Variants in CDH7 observed in about 807,000 individuals in gnomAD.
The protein encoded by CDH7 is cadherin 7, also known as cadherin-7.
In CDH7, 25 loss-of-function variants were observed where a neutral mutation model predicts 71.8. That is an observed-to-expected ratio of 0.35 (90% confidence interval 0.25 to 0.49). CDH7 has a LOEUF of 0.49. CDH7 is among the 20% of genes least tolerant of loss of function. CDH7 has a pLI of 0.99. For synonymous variants in CDH7, 381 were observed against 363.8 expected (o/e 1.05, Z -0.54); for missense variants, 862 against 974.6 (o/e 0.88, Z 1.54).
intron 2 of CDH7, among the ~76,000 whole-genome samples, chr18:65,790,868 C>T (rs1910689545): frequency 6.6e-6 from 1 of 152,074 alleles, no homozygotes; most frequent in Non-Finnish European, 1.5e-5. Context: ...AACTCTGTCT[C>T]AAAACAAAAC....
intron 2 of CDH7, among the ~76,000 whole-genome samples, chr18:65,770,838 C>A (rs1045675361): frequency 6.6e-6 from 1 of 152,098 alleles, no homozygotes; most frequent in East Asian, 1.9e-4. Flanking sequence ...TAATACCAAC[C>A]AATCATATTT....
At chr18:65,875,353 C>T (rs187276058) in intron 11 of CDH7, among the ~76,000 whole-genome samples, 259 of 152,216 alleles carry the variant, frequency 1.7e-3, no homozygotes, top group African/African-American at 6.1e-3. Context: ...TGATGATACT[C>T]CAATAGAAAT....
chr18:65,763,439 A>C (rs1246111273), intron 2 of CDH7, among the ~76,000 whole-genome samples: 1 of 152,108 alleles, frequency 6.6e-6, no homozygotes, highest in Non-Finnish European at 1.5e-5. Context: ...CTTTTGGGGT[A>C]TTATTAAAAT....
At chr18:65,789,999 G>A (rs1487874699) in intron 2 of CDH7, among the ~76,000 whole-genome samples, 3 of 151,978 alleles carry the variant, frequency 2.0e-5, no homozygotes, top group Admixed American at 1.3e-4. Flanking sequence ...GGAGGCCAAG[G>A]CAGACGGATC....
chr18:65,881,101 C>G lies in CDH7; in HGVS notation c.*207C>G. The stretch of plus-strand genomic sequence containing the variant: ...CATTAGACTTATCTAAAGGACTGCA[C>G]TGACCACAGACTCTGAGCATTTGAA... On this transcript the variant is annotated 3_prime_UTR_variant, in exon 12 of 12. Coordinates refer to ENST00000397968, the MANE Select transcript of CDH7 (RefSeq NM_004361.5). 2.1e-6 allele frequency: 1 copy of G among 475,838 alleles called. No homozygotes were observed. The highest frequency in any genetic ancestry group is 3.6e-6 in the Non-Finnish European group (1 of 276,630). The allele number at this position is 475,838 out of a possible 1,614,324, so 29.5% of individuals were successfully genotyped here. A position where few individuals can be genotyped will look rare whatever the true frequency, so the allele number is the denominator to read the frequency against.
intron 2 of CDH7, among the ~76,000 whole-genome samples, chr18:65,782,165 C>A (rs200638708): frequency 3.9e-5 from 1 of 25,508 alleles, no homozygotes; most frequent in Non-Finnish European, 7.6e-5. Context: ...TTTCTTTCTT[C>A]CTTTCTTTCT....
At chr18:65,864,460 G>A (rs1205020508) in intron 11 of CDH7, among the ~76,000 whole-genome samples, 1 of 151,026 alleles carries the variant, frequency 6.6e-6, no homozygotes, top group Non-Finnish European at 1.5e-5. Flanking sequence ...TGTGGCCTAA[G>A]ACAAGTATTC....
chr18:65,863,339 G>T, intron 11 of CDH7: 1 of 183,220 alleles, frequency 5.5e-6, no homozygotes, highest in Non-Finnish European at 1.2e-5. Context: ...CTCCTGGCCT[G>T]GATGGTGTTT....
intron 7 of CDH7, among the ~76,000 whole-genome samples, chr18:65,848,838 C>T (rs1488659415): frequency 1.1e-5 from 1 of 88,350 alleles, no homozygotes; most frequent in African/African-American, 2.9e-5. Context: ...TAATATTTAC[C>T]CGTGGGCTTT....
chr18:65,822,036 T>C (rs1911948329), intron 4 of CDH7, 45 bp from the exon 5 acceptor site: 4 of 1,444,526 alleles, frequency 2.8e-6, no homozygotes, highest in Non-Finnish European at 3.9e-6. Context: ...TTAGTATAAA[T>C]GCAGTGATTC....
intron 11 of CDH7, 90 bp from the exon 12 acceptor site, chr18:65,880,311 T>C (rs1391485100): frequency 1.2e-5 from 16 of 1,331,618 alleles, no homozygotes; most frequent in Admixed American, 2.5e-5. Context: ...GAAGAAAACC[T>C]GTAACTCAGC....
chr18:65,820,501 CA>C (rs1444401285), intron 4 of CDH7, among the ~76,000 whole-genome samples: 48 of 152,176 alleles, frequency 3.2e-4, no homozygotes, highest in Admixed American at 7.2e-4. Flanking sequence ...CAAATTTAGA[CA>C]GTTTTTACTT....
intron 6 of CDH7, among the ~76,000 whole-genome samples, chr18:65,837,950 T>C (rs1912590477): frequency 7.4e-6 from 1 of 135,528 alleles, no homozygotes; most frequent in South Asian, 2.3e-4. Flanking sequence ...TTTGAGACGA[T>C]GTCTTGCTCT....
rs967827633 is a variant in CDH7, at chr18:65,887,655, A to G, written c.*6761A>G. On this transcript the variant is annotated 3_prime_UTR_variant, in exon 12 of 12. Coordinates refer to ENST00000397968, the MANE Select transcript of CDH7 (RefSeq NM_004361.5). ...ATACACGTGTGCAGGAACACACACA[A>G]TTTGAGGCGAAATGTTGAAGTAAAG... 2.6e-5 allele frequency: 4 copies of G among 152,156 alleles called. No homozygotes were observed. The highest frequency in any genetic ancestry group is 2.6e-4 in the Admixed American group (4 of 15,282). 9.4% of individuals were successfully genotyped at this position (152,156 alleles called of 1,614,324 possible).
At chr18:65,873,857 T>A (rs1913996483) in intron 11 of CDH7, among the ~76,000 whole-genome samples, 1 of 152,200 alleles carries the variant, frequency 6.6e-6, no homozygotes, top group South Asian at 2.1e-4. Context: ...CCCTTTCCCA[T>A]ACATATTTTC....
intron 2 of CDH7, among the ~76,000 whole-genome samples, chr18:65,766,545 C>T (rs926545688): frequency 2.0e-5 from 3 of 151,972 alleles, no homozygotes; most frequent in African/African-American, 7.3e-5. Context: ...CATTAGCTTC[C>T]CATCATTTTC....
Position 65,820,411 on chromosome 18 carries a change from CTG to C in CDH7, c.626-1660_626-1659del, listed in dbSNP as rs1030173494. Among the ~76,000 whole-genome samples, 4 of 151,940 alleles carry C rather than the reference CTG, an allele frequency of 2.6e-5. No homozygotes were observed. In the South Asian group the frequency reaches 6.2e-4, roughly 24 times the overall value. ...AGTCATATGATATTAACAATTTTCT[CTG>C]TGTGTGTGTATTTATATACACAATT... On this transcript the variant is annotated intron_variant, in intron 4 of 11. Transcript: ENST00000397968.
chr18:65,753,036 A>G (rs1915928550), intron 1 of CDH7, among the ~76,000 whole-genome samples: 2 of 152,322 alleles, frequency 1.3e-5, no homozygotes, highest in South Asian at 2.1e-4. Context: ...TAAAGCATCT[A>G]TATTACTGCA....
intron 2 of CDH7, among the ~76,000 whole-genome samples, chr18:65,775,571 A>G (rs1444002303): frequency 6.6e-6 from 1 of 152,198 alleles, no homozygotes; most frequent in East Asian, 1.9e-4. Flanking sequence ...GGGATGTCCA[A>G]TCTTTTGTCT....
Sources: allele counts gnomAD v4.1 joint callset (sites outside exome capture counted in the v4.1 genomes callset), GRCh38; gene constraint gnomAD v4.1.1; transcripts MANE v1.5; gene names NCBI Gene and HGNC (gene_info 2026-07-23, HGNC 2026-07-21).